The following RAD51B variants were observed in gnomAD, a reference collection of about 807,000 sequenced individuals.
RAD51B encodes the protein RAD51 paralog B.
Under a neutral mutation model 42.2 loss-of-function variants are expected in RAD51B, and 38 were observed. The observed-to-expected ratio is 0.90, with a 90% CI of 0.70 to 1.18. The LOEUF (loss-of-function observed/expected upper bound fraction) is 1.18, where lower values mean the gene tolerates loss of function less well. Ranked by LOEUF, RAD51B falls within the 50% of genes most tolerant of loss-of-function variation. The probability of loss-of-function intolerance (pLI) is 0.00; values close to 1 mark genes in which losing one functional copy is unlikely to be tolerated. For missense variants in RAD51B, 373 were observed against 400.7 expected, an observed-to-expected ratio of 0.93 and a Z score of 0.59; for synonymous variants, 154 against 145.2, an observed-to-expected ratio of 1.06 and a Z score of -0.43.
chr14:67,872,953 G>T (rs1028328318), intron 5 of RAD51B, among the ~76,000 whole-genome samples: 22 of 152,266 alleles, frequency 1.4e-4, no homozygotes, highest in Non-Finnish European at 2.6e-4. Flanking sequence ...ATGGATTAAA[G>T]ACTTAAATGT....
chr14:67,871,239 A>T (rs1187762754), intron 5 of RAD51B, among the ~76,000 whole-genome samples: 2 of 151,968 alleles, frequency 1.3e-5, no homozygotes, highest in Admixed American at 6.6e-5. Flanking sequence ...ATGCAATAAA[A>T]AATGATAAAG....
intron 9 of RAD51B, among the ~76,000 whole-genome samples, chr14:68,421,421 G>T (rs992693019): frequency 2.0e-5 from 3 of 152,114 alleles, no homozygotes; most frequent in African/African-American, 4.8e-5. Context: ...GTCCTTTCTT[G>T]ATGTCACTGA....
In RAD51B at chr14:68,196,374, G is replaced by A. The variant is rs147986540; in HGVS notation, c.757-95510G>A. On this transcript the variant is annotated intron_variant, in intron 7 of 10. Coordinates refer to ENST00000471583, the MANE Select transcript of RAD51B (RefSeq NM_133510.4). Reference sequence around the variant, plus strand: ...GCTTAAAATGTTTCATTGGCTTCTGGTTGTACTTTTAGAATTCAACGTAGA... The same window carrying A: ...GCTTAAAATGTTTCATTGGCTTCTGATTGTACTTTTAGAATTCAACGTAGA... Among the ~76,000 whole-genome samples the A allele has an allele frequency of 9.3e-3, 1,415 of 152,032 alleles. 13 individuals are homozygous for A. Among genetic ancestry groups the A allele is most frequent in the Non-Finnish European group, 0.014 (975 of 67,978 alleles).
At chr14:68,055,694 T>G (rs1462583035) in intron 7 of RAD51B, among the ~76,000 whole-genome samples, 1 of 152,156 alleles carries the variant, frequency 6.6e-6, no homozygotes, top group African/African-American at 2.4e-5. Context: ...CTCATGAGGT[T>G]TCAGTTAGAT....
chr14:67,933,112 G>A (rs1321760121), intron 7 of RAD51B, among the ~76,000 whole-genome samples: 1 of 152,224 alleles, frequency 6.6e-6, no homozygotes, highest in Non-Finnish European at 1.5e-5. Flanking sequence ...AGAAGGGGAG[G>A]AGATCTTTCC....
At chr14:68,673,674 CACAT>C (rs1893226438) in intron 11 of RAD51B, among the ~76,000 whole-genome samples, 1 of 149,916 alleles carries the variant, frequency 6.7e-6, no homozygotes, top group African/African-American at 2.4e-5. Context: ...ACTGTGCACA[CACAT>C]ATGTATATGT....
At chr14:68,661,338 A>C (rs989140721) in intron 11 of RAD51B, among the ~76,000 whole-genome samples, 2 of 152,220 alleles carry the variant, frequency 1.3e-5, no homozygotes, top group Admixed American at 1.3e-4. Flanking sequence ...TCCTGAGGGC[A>C]GGAACCATGT....
chr14:68,304,328 G>C (rs1301020977), intron 8 of RAD51B, among the ~76,000 whole-genome samples: 2 of 152,176 alleles, frequency 1.3e-5, no homozygotes, highest in Admixed American at 6.5e-5. Context: ...CCTCAATTTA[G>C]AAACAAAGAA....
chr14:68,317,218 G>C (rs1030608048), intron 8 of RAD51B, among the ~76,000 whole-genome samples: 6 of 152,098 alleles, frequency 3.9e-5, no homozygotes, highest in Non-Finnish European at 8.8e-5. Context: ...TCAGGTGTCA[G>C]CATCAATTAA....
chr14:68,507,372 T>G (rs564368026), intron 10 of RAD51B, among the ~76,000 whole-genome samples: 1 of 152,302 alleles, frequency 6.6e-6, no homozygotes, highest in East Asian at 1.9e-4. Flanking sequence ...GTTTATGAGC[T>G]TTTTCACTTT....
intron 10 of RAD51B, among the ~76,000 whole-genome samples, chr14:68,575,577 TCTC>T (rs1201810742): frequency 6.6e-6 from 1 of 152,054 alleles, no homozygotes; most frequent in Non-Finnish European, 1.5e-5. Context: ...AATAATTCCA[TCTC>T]CTCCCCTCTC....
intron 10 of RAD51B, among the ~76,000 whole-genome samples, chr14:68,502,094 G>C (rs1884965299): frequency 1.3e-5 from 2 of 152,228 alleles, no homozygotes; most frequent in Admixed American, 1.3e-4. Context: ...GGACGTCAAT[G>C]TGCTTCCTCA....
chr14:67,931,802 C>A (rs1211538446), intron 7 of RAD51B, among the ~76,000 whole-genome samples: 1 of 152,094 alleles, frequency 6.6e-6, no homozygotes, highest in East Asian at 1.9e-4. Flanking sequence ...AGTGCCCGGC[C>A]CAGCATTTCT....
At chr14:68,637,672 T>C (rs924233571) in intron 10 of RAD51B, among the ~76,000 whole-genome samples, 1 of 152,120 alleles carries the variant, frequency 6.6e-6, no homozygotes, top group East Asian at 1.9e-4. Context: ...AGGAGACAAT[T>C]GTGGTAGTCA....
intron 7 of RAD51B, among the ~76,000 whole-genome samples, chr14:68,141,279 A>G (rs1011170165): frequency 6.6e-6 from 1 of 152,246 alleles, no homozygotes; most frequent in Non-Finnish European, 1.5e-5. Context: ...AATTAAATAA[A>G]TGCTTTAAAA....
intron 8 of RAD51B, chr14:68,339,075 G>T (rs1300877425): frequency 1.9e-5 from 13 of 679,560 alleles, no homozygotes; most frequent in Middle Eastern, 3.9e-4. Flanking sequence ...CACCAGCTGA[G>T]CTTTCTTGTT....
chr14:68,637,752 G>A (rs565963308), intron 10 of RAD51B, among the ~76,000 whole-genome samples: 10 of 152,290 alleles, frequency 6.6e-5, no homozygotes, highest in East Asian at 5.8e-4. Flanking sequence ...GGGCTGTGGC[G>A]GCCGAGTTCA....
intron 7 of RAD51B, among the ~76,000 whole-genome samples, chr14:68,183,073 G>A (rs2079085140): frequency 6.6e-6 from 1 of 152,170 alleles, no homozygotes; most frequent in Non-Finnish European, 1.5e-5. Flanking sequence ...GGGTTCTCTA[G>A]AGGGGTAGAA....
At position 68,079,555 on chromosome 14, in the gene RAD51B, C is replaced by G. The variant is rs11849120; in HGVS notation, c.756+192351C>G. ...TTATTAGTTGTAGTATATAATATTA[C>G]TAGCAGTATTGGTAAATATTTTAGA... is the stretch of plus-strand genomic sequence containing the variant. On this transcript the variant is annotated intron_variant, in intron 7 of 10. Transcript: ENST00000471583. 8.2e-3 allele frequency among the ~76,000 whole-genome samples: 1,254 copies of G among 152,230 alleles called. 19 individuals carry two copies. The highest frequency in any genetic ancestry group is 0.029 in the African/African-American group (1,206 of 41,530).
Sources: allele counts gnomAD v4.1 joint callset (sites outside exome capture counted in the v4.1 genomes callset), GRCh38; gene constraint gnomAD v4.1.1; transcripts MANE v1.5; gene names NCBI Gene and HGNC (gene_info 2026-07-23, HGNC 2026-07-21).